MFSD11: variants seen among roughly 807,000 people sequenced by gnomAD.
The protein encoded by MFSD11 is UNC93-like protein MFSD11.
MFSD11 carries 36 observed loss-of-function variants against 53.5 expected under a neutral mutation model. The observed-to-expected ratio is 0.67, with a 90% CI of 0.52 to 0.89. The LOEUF is 0.89. Ranked by LOEUF, MFSD11 falls within the 40% of genes least tolerant of loss-of-function variation. The pLI is 0.00. For synonymous variants in MFSD11, 186 were observed against 184.9 expected, an observed-to-expected ratio of 1.01 and a Z score of -0.05; for missense variants, 530 against 543.9, an observed-to-expected ratio of 0.97 and a Z score of 0.25.
At chr17:76,744,523 C>G in intron 7 of MFSD11, 57 bp downstream of exon 7, 2 of 1,492,476 alleles carry the variant, frequency 1.3e-6, no homozygotes, top group Non-Finnish European at 1.8e-6. Flanking sequence ...TAGATCTAGT[C>G]TAGAGATTAC....
At chr17:76,780,993 A>G (rs891575021), downstream of MFSD11, 3 of 152,186 alleles carry the variant, frequency 2.0e-5, no homozygotes, top group Admixed American at 2.0e-4. Context: ...ATAACAAATT[A>G]CCTCAAAACG....
intron 1 of MFSD11, 102 bp from the exon 2 acceptor site, chr17:76,738,836 A>T: frequency 1.1e-6 from 1 of 885,512 alleles, no homozygotes; most frequent in Non-Finnish European, 1.9e-6. Flanking sequence ...TACATTATGA[A>T]CTTTTACTTT....
chr17:76,741,184 G>A (rs1040755749), intron 3 of MFSD11, 120 bp downstream of exon 3: 5 of 690,180 alleles, frequency 7.2e-6, no homozygotes, highest in South Asian at 1.8e-5. Flanking sequence ...GGTATTTTAC[G>A]AATTTTGGCT....
At chr17:76,764,734 T>C (rs948724285) in intron 8 of MFSD11, among the ~76,000 whole-genome samples, 1 of 152,110 alleles carries the variant, frequency 6.6e-6, no homozygotes, top group Non-Finnish European at 1.5e-5. Flanking sequence ...GTAATGAACA[T>C]GGGAGTGCAG....
chr17:76,775,090 A>G lies in MFSD11; in HGVS notation c.968A>G (p.Tyr323Cys), dbSNP rs2081698018. ...LGILVHFIAF[Y>C]LIFLNMPGDA... ...ATCCTGGTGCACTTCATAGCTTTTT[A>G]TCTAATATTTCTCAACATGCCTGGA... The change falls in exon 11 of 13, where the codon TAT (tyrosine) becomes TGT (cysteine). Residue 323 changes from tyrosine (Y) to cysteine (C), a missense_variant. Tyr to Cys is a radical substitution (Grantham distance 194, BLOSUM62 -2). Transcript: ENST00000685175. 1 of 1,613,894 alleles carries G rather than the reference A, an allele frequency of 6.2e-7. No individual in the cohort carries two copies. Among genetic ancestry groups the G allele is most frequent in the Admixed American group, 1.7e-5 (1 of 59,966 alleles).
chr17:76,743,929 A>G (rs947978019), intron 6 of MFSD11, among the ~76,000 whole-genome samples: 2 of 152,102 alleles, frequency 1.3e-5, no homozygotes, highest in African/African-American at 4.8e-5. Flanking sequence ...TTCTATTACT[A>G]AACTAGGATT....
the MFSD11 span, among the ~76,000 whole-genome samples, chr17:76,796,581 C>T: frequency 2.0e-5 from 3 of 152,108 alleles, no homozygotes; most frequent in Admixed American, 6.6e-5. Context: ...AGCACCGACC[C>T]TCACAGGTTA....
chr17:76,746,134 G>A (rs999739736), intron 7 of MFSD11, among the ~76,000 whole-genome samples: 93 of 152,200 alleles, frequency 6.1e-4, no homozygotes, highest in Non-Finnish European at 5.9e-4. Context: ...TGATAAGAAA[G>A]TGAAACAGCC....
rs774369394 is a variant in MFSD11, at chr17:76,741,971, T to G, written c.263T>G (p.Met88Arg). Reference protein sequence around the residue: ...SMFASGLFYSMYIAVFIQPFP... With the variant: ...SMFASGLFYSRYIAVFIQPFP... The stretch of plus-strand genomic sequence containing the variant: ...TACCTTGACCTGTTATATTTTAGCA[T>G]GTACATTGCCGTTTTCATCCAGCCT... Residue 88 changes from methionine to arginine, a missense_variant and splice_region_variant, in exon 4 of 13, where the codon ATG becomes AGG. Transcript: ENST00000685175. 6.2e-7 allele frequency: 1 copy of G among 1,614,160 alleles called. No homozygotes were observed. The highest frequency in any genetic ancestry group is 8.5e-7 in the Non-Finnish European group (1 of 1,180,004).
At chr17:76,747,050 C>T (rs1364891184) in intron 7 of MFSD11, among the ~76,000 whole-genome samples, 1 of 151,916 alleles carries the variant, frequency 6.6e-6, no homozygotes, top group Non-Finnish European at 1.5e-5. Context: ...ACTGGCATTA[C>T]AGGCGTGCAC....
At position 76,778,458 on chromosome 17, in the gene MFSD11, G is replaced by A. The variant is rs1042609055; in HGVS notation, c.*106G>A. ...TTCACTATATATTGGGTGATGTTCA[G>A]TATGGAAAATCAAGGGATTAAGACT... On this transcript the variant is annotated 3_prime_UTR_variant, in exon 13 of 13. Transcript: ENST00000685175. The A allele has an allele frequency of 5.2e-6, 6 of 1,144,048 alleles. No homozygotes were observed. Among genetic ancestry groups the A allele is most frequent in the Non-Finnish European group, 7.5e-6 (6 of 795,194 alleles). The allele number at this position is 1,144,048 out of a possible 1,614,324, so 70.9% of individuals were successfully genotyped here.
chr17:76,745,045 C>T (rs1056346889), intron 7 of MFSD11, among the ~76,000 whole-genome samples: 1 of 152,160 alleles, frequency 6.6e-6, no homozygotes, highest in Non-Finnish European at 1.5e-5. Context: ...ATTACCTAAG[C>T]ACATTTCAGT....
In MFSD11 at chr17:76,753,854, G is replaced by A. The variant is rs78601295; in HGVS notation, c.642-193G>A. Among the ~76,000 whole-genome samples the A allele has an allele frequency of 5.1e-3, 782 of 152,064 alleles. 3 individuals carry two copies. The highest frequency in any genetic ancestry group is 0.018 in the African/African-American group (730 of 41,494). On this transcript the variant is annotated intron_variant, in intron 7 of 12. Transcript: ENST00000685175. ...TAGTTGATAGAGAGGTGCCCAGGTG[G>A]GACTTTAAAAACCTGAAGCGAGGGT...
chr17:76,767,394 TTTAAG>T lies in MFSD11; in HGVS notation c.695_699del (p.Lys232MetfsTer10). On this transcript the variant is annotated frameshift_variant, in exon 9 of 13. Coordinates refer to ENST00000685175, the MANE Select transcript of MFSD11 (RefSeq NM_001242532.5). LOFTEE classifies it high-confidence loss of function. ...AATTTTTGTGTTTACAGAAAAGTCT[TTTAAG>T]TTATGTGTCACCAAGGAGATGCTCC... The T allele has an allele frequency of 2.5e-6, 4 of 1,596,902 alleles. No individual in the cohort carries two copies. The African/African-American group carries it at 4.0e-5, about 16-fold the overall frequency.
At chr17:76,764,119 G>A (rs1352403712) in intron 8 of MFSD11, among the ~76,000 whole-genome samples, 4 of 151,978 alleles carry the variant, frequency 2.6e-5, no homozygotes, top group Non-Finnish European at 2.9e-5. Flanking sequence ...CCTGCCTCCC[G>A]AAGTGCTGGG....
chr17:76,753,224 A>G (rs1024588663), intron 7 of MFSD11, among the ~76,000 whole-genome samples: 10 of 152,158 alleles, frequency 6.6e-5, no homozygotes, highest in African/African-American at 2.4e-4. Flanking sequence ...ATGAAAGCTA[A>G]CTTCAAGAAA....
At chr17:76,760,891 GA>G (rs1662738997) in intron 8 of MFSD11, among the ~76,000 whole-genome samples, 1 of 152,074 alleles carries the variant, frequency 6.6e-6, no homozygotes. Flanking sequence ...TGGGCGGGGG[GA>G]CAGGTAATTA....
At chr17:76,743,318 T>G in intron 5 of MFSD11, 80 bp from the exon 6 acceptor site, 1 of 928,312 alleles carries the variant, frequency 1.1e-6, no homozygotes, top group Admixed American at 2.5e-5. Context: ...TTACAACAAA[T>G]AATGGGAATA....
At chr17:76,773,038 G>A (rs934300122) in intron 10 of MFSD11, 8 of 152,412 alleles carry the variant, frequency 5.2e-5, no homozygotes, top group Admixed American at 3.9e-4. Context: ...CTGAGGGCGG[G>A]GCCCTAATAC....
Sources: allele counts gnomAD v4.1 joint callset (sites outside exome capture counted in the v4.1 genomes callset), GRCh38; gene constraint gnomAD v4.1.1; transcripts MANE v1.5; gene names NCBI Gene and HGNC (gene_info 2026-07-23, HGNC 2026-07-21).